Variants in TENM3 observed in about 807,000 individuals in gnomAD.
TENM3 encodes the protein teneurin transmembrane protein 3, also known as teneurin-3.
TENM3 carries 63 observed loss-of-function variants against 255.1 expected under a neutral mutation model. The observed-to-expected ratio is 0.25, with a 90% CI of 0.20 to 0.30. The LOEUF (loss-of-function observed/expected upper bound fraction) is 0.30. TENM3 is among the 10% of genes least tolerant of loss of function. TENM3 has a pLI of 1.00. For synonymous variants in TENM3, 1,306 were observed against 1,322.3 expected, an observed-to-expected ratio of 0.99 and a Z score of 0.27; for missense variants, 2,929 against 3,461.1, an observed-to-expected ratio of 0.85 and a Z score of 3.86.
At chr4:181,695,599 T>G in the TENM3 span, among the ~76,000 whole-genome samples, 1 of 152,174 alleles carries the variant, frequency 6.6e-6, no homozygotes, top group Non-Finnish European at 1.5e-5. Context: ...TTATCCTACT[T>G]CCCAAACTAA....
chr4:182,210,478 A>G (rs1293277466), intron 1 of TENM3, among the ~76,000 whole-genome samples: 1 of 151,832 alleles, frequency 6.6e-6, no homozygotes, highest in Non-Finnish European at 1.5e-5. Context: ...TTTTAATCAA[A>G]TTATTTTTAT....
At chr4:181,709,763 G>A in the TENM3 span, among the ~76,000 whole-genome samples, 35 of 152,216 alleles carry the variant, frequency 2.3e-4, no homozygotes, top group East Asian at 5.8e-4. Flanking sequence ...AGACATTAGC[G>A]CAGATAAGGT....
chr4:181,763,377 C>G, the TENM3 span, among the ~76,000 whole-genome samples: 2 of 152,158 alleles, frequency 1.3e-5, no homozygotes, highest in African/African-American at 4.8e-5. Flanking sequence ...ACCCCTAAAA[C>G]AATTAACATA....
At chr4:181,721,488 T>C in the TENM3 span, among the ~76,000 whole-genome samples, 1 of 127,672 alleles carries the variant, frequency 7.8e-6, no homozygotes, top group Non-Finnish European at 1.6e-5. Context: ...TAGTCCCAGC[T>C]ACTCGGGAGG....
the TENM3 span, among the ~76,000 whole-genome samples, chr4:182,098,955 C>CTT: frequency 0.02 from 2,683 of 133,220 alleles, 153 homozygotes; most frequent in African/African-American, 0.034. Flanking sequence ...GTGCACAACT[C>CTT]TTTTTTTCTT....
the TENM3 span, among the ~76,000 whole-genome samples, chr4:181,499,517 G>T: frequency 6.6e-6 from 1 of 152,180 alleles, no homozygotes; most frequent in Non-Finnish European, 1.5e-5. Context: ...TGGCTGACAT[G>T]AAGGGGCACA....
At chr4:182,168,193 GGT>G (rs149902074) in intron 1 of TENM3, among the ~76,000 whole-genome samples, 2,714 of 151,582 alleles carry the variant, frequency 0.018, 40 homozygotes, top group Non-Finnish European at 0.03. Flanking sequence ...GGAGTGCAGT[GGT>G]GCAATCACGG....
chr4:181,723,018 G>A, the TENM3 span, among the ~76,000 whole-genome samples: 5,294 of 151,994 alleles, frequency 0.035, 141 homozygotes, highest in Middle Eastern at 0.12. Flanking sequence ...CTACCTCCTC[G>A]CTCAGGACTT....
intron 5 of TENM3, among the ~76,000 whole-genome samples, chr4:182,633,530 C>T (rs1751580056): frequency 6.6e-6 from 1 of 152,204 alleles, no homozygotes; most frequent in South Asian, 2.1e-4. Flanking sequence ...GAGCTTTGTT[C>T]ACCTCACGCC....
the TENM3 span, among the ~76,000 whole-genome samples, chr4:181,589,408 T>C: frequency 6.6e-6 from 1 of 152,192 alleles, no homozygotes; most frequent in South Asian, 2.1e-4. Flanking sequence ...TTGGTTTCTT[T>C]AGGGAGAACA....
At chr4:182,521,938 T>A (rs1738621355) in intron 3 of TENM3, among the ~76,000 whole-genome samples, 1 of 152,186 alleles carries the variant, frequency 6.6e-6, no homozygotes, top group Non-Finnish European at 1.5e-5. Flanking sequence ...TAGTCTTTAT[T>A]GACTCTAGAA....
chr4:181,970,588 T>TAAA, the TENM3 span, among the ~76,000 whole-genome samples: 1 of 152,182 alleles, frequency 6.6e-6, no homozygotes, highest in African/African-American at 2.4e-5. Context: ...CCACCTCCTT[T>TAAA]ATGTGATCGT....
chr4:182,625,888 G>A (rs142827810), intron 4 of TENM3, among the ~76,000 whole-genome samples: 4 of 152,224 alleles, frequency 2.6e-5, no homozygotes, highest in Admixed American at 2.0e-4. Context: ...ATCTAGGTCC[G>A]GGCCAACATG....
intron 4 of TENM3, among the ~76,000 whole-genome samples, chr4:182,624,035 G>A (rs1750574971): frequency 6.7e-6 from 1 of 149,894 alleles, no homozygotes; most frequent in Non-Finnish European, 1.5e-5. Flanking sequence ...GAGATGTAAG[G>A]CACAGGTTTC....
chr4:182,378,938 ACT>A (rs34718492), intron 3 of TENM3, among the ~76,000 whole-genome samples: 133,833 of 151,700 alleles, frequency 0.88, 59,410 homozygotes, highest in African/African-American at 0.92. Flanking sequence ...TTCCCTTGAG[ACT>A]CTACAAATAA....
the TENM3 span, among the ~76,000 whole-genome samples, chr4:181,704,594 G>A: frequency 2.6e-5 from 4 of 152,064 alleles, no homozygotes; most frequent in East Asian, 1.9e-4. Flanking sequence ...AATCATAACG[G>A]ATGGACCCAT....
chr4:182,024,597 G>T, the TENM3 span, among the ~76,000 whole-genome samples: 5 of 152,052 alleles, frequency 3.3e-5, no homozygotes, highest in African/African-American at 1.2e-4. Flanking sequence ...TATTCATGGG[G>T]TCCTGGAGAT....
At chr4:181,560,789 C>T in the TENM3 span, among the ~76,000 whole-genome samples, 1 of 152,122 alleles carries the variant, frequency 6.6e-6, no homozygotes, top group African/African-American at 2.4e-5. Context: ...GTGCCCAGCA[C>T]CCCGCCTGCT....
the TENM3 span, chr4:181,976,080 G>T: frequency 1.3e-5 from 2 of 152,104 alleles, no homozygotes; most frequent in African/African-American, 4.8e-5. Flanking sequence ...AAGGACATCA[G>T]TCATATTGGG....
Sources: gnomAD v4.1 joint callset for allele counts (sites outside exome capture counted in the v4.1 genomes callset) on GRCh38, gnomAD v4.1.1 for gene constraint, MANE v1.5 for transcripts, NCBI Gene and HGNC (gene_info 2026-07-23, HGNC 2026-07-21) for gene names.